The following AMMECR1 variants were observed in gnomAD, a reference collection of about 807,000 sequenced individuals.
AMMECR1 encodes nuclear protein AMMECR1.
A neutral mutation model predicts 22.5 loss-of-function variants in AMMECR1; 3 were observed. The observed-to-expected ratio is 0.13, with a 90% CI of 0.06 to 0.35. AMMECR1 has a LOEUF of 0.35. Ranked by LOEUF, AMMECR1 falls within the 10% of genes least tolerant of loss-of-function variation. The pLI, the probability that AMMECR1 is intolerant of heterozygous loss-of-function variation, is 1.00. For missense variants in AMMECR1, 235 were observed against 278.7 expected (o/e 0.84, Z 1.12); for synonymous variants, 130 against 116.7 (o/e 1.11, Z -0.74).
At chrX:110,261,221 A>C (rs1271402943) in intron 2 of AMMECR1, among the ~76,000 whole-genome samples, 2 of 112,080 alleles carry the variant, frequency 1.8e-5, no homozygotes, top group East Asian at 5.5e-4. Context: ...CCACAATAAA[A>C]AAAAAGAAGA....
intron 2 of AMMECR1, among the ~76,000 whole-genome samples, chrX:110,234,465 C>T (rs372046304): frequency 9.9e-5 from 11 of 111,645 alleles, no homozygotes; most frequent in Middle Eastern, 4.6e-3. Context: ...CTTCACAGAA[C>T]TGGAAAAAAA....
At chrX:110,370,908 C>T (rs889963502) in intron 2 of AMMECR1, among the ~76,000 whole-genome samples, 1 of 112,179 alleles carries the variant, frequency 8.9e-6, no homozygotes, top group Non-Finnish European at 1.9e-5. Context: ...ACTCTTTTCA[C>T]ATCTTCTGCA....
Position 110,348,905 on chromosome X carries a change from T to C in AMMECR1, c.-147-31056A>G, listed in dbSNP as rs1432838210. On this transcript the variant is annotated intron_variant, in intron 2 of 7. Transcript: ENST00000372057. ...AAACAGGTTTTTACTTTTCACTTTTTGTAAAATTTGAATTTTTCACAAGTA... is the reference window on the plus strand; with the variant it reads ...AAACAGGTTTTTACTTTTCACTTTTCGTAAAATTTGAATTTTTCACAAGTA... Among the ~76,000 whole-genome samples, 16 of 112,170 alleles carry C rather than the reference T, an allele frequency of 1.4e-4. No homozygotes were observed. In the Admixed American group the frequency reaches 1.5e-3, roughly 11 times the overall value.
chrX:110,202,347 C>A, intron 4 of AMMECR1, 99 bp downstream of exon 4: 1 of 617,066 alleles, frequency 1.6e-6, no homozygotes. Context: ...TTTGACACTT[C>A]AATTATTAGA....
At chrX:110,288,484 G>A (rs775994051) in intron 1 of AMMECR1, among the ~76,000 whole-genome samples, 8 of 111,995 alleles carry the variant, frequency 7.1e-5, no homozygotes, top group African/African-American at 1.6e-4. Flanking sequence ...CAGATTGTGC[G>A]CTCTCAGAAA....
Position 110,342,521 on chromosome X carries a change from G to A in AMMECR1, c.-147-24672C>T, listed in dbSNP as rs184877432. On this transcript the variant is annotated intron_variant, in intron 2 of 7. Coordinates refer to the AMMECR1 transcript ENST00000372057. ...TGAGTAGCTGGGATTACAGGCACAC[G>A]CCACCACGCCTGGCTAATTTTTGTA... is the stretch of plus-strand genomic sequence containing the variant. Among the ~76,000 whole-genome samples the A allele has an allele frequency of 8.1e-5, 9 of 110,894 alleles. No individual in the cohort carries two copies. In the East Asian group the frequency reaches 2.3e-3, roughly 28 times the overall value.
chrX:110,335,773 C>T, intron 2 of AMMECR1, among the ~76,000 whole-genome samples: 1 of 112,058 alleles, frequency 8.9e-6, no homozygotes, highest in Non-Finnish European at 1.9e-5. Context: ...TCATCATGTA[C>T]ATTCATTTGG....
At chrX:110,217,085 C>A (rs922560209) in intron 2 of AMMECR1, among the ~76,000 whole-genome samples, 26 of 107,249 alleles carry the variant, frequency 2.4e-4, no homozygotes, top group African/African-American at 8.5e-4. Context: ...TGTATACAAA[C>A]ATACACATAT....
chrX:110,246,707 G>A (rs1262088053), intron 2 of AMMECR1, among the ~76,000 whole-genome samples: 5 of 112,425 alleles, frequency 4.4e-5, no homozygotes, highest in Admixed American at 3.8e-4. Context: ...AGAGATACCA[G>A]TAATGTGTTA....
chrX:110,325,149 T>G (rs1248228544), intron 2 of AMMECR1, among the ~76,000 whole-genome samples: 1 of 111,822 alleles, frequency 8.9e-6, no homozygotes. Flanking sequence ...GTTTTAAAAT[T>G]CATTTATTTT....
chrX:110,373,634 T>C (rs1393711330), intron 2 of AMMECR1, among the ~76,000 whole-genome samples: 1 of 112,506 alleles, frequency 8.9e-6, no homozygotes, highest in African/African-American at 3.2e-5. Context: ...CTACAGATAA[T>C]ACAGTAATCT....
chrX:110,306,027 A>T (rs950123761), intron 1 of AMMECR1, among the ~76,000 whole-genome samples: 4 of 110,195 alleles, frequency 3.6e-5, no homozygotes, highest in African/African-American at 1.3e-4. Flanking sequence ...CACGCCTGTA[A>T]TCCCAGCACT....
At chrX:110,275,087 CTT>C (rs1024203730) in intron 1 of AMMECR1, among the ~76,000 whole-genome samples, 3 of 111,277 alleles carry the variant, frequency 2.7e-5, no homozygotes, top group African/African-American at 3.3e-5. Flanking sequence ...TAAATAATAA[CTT>C]AACTTTTAAA....
In AMMECR1 at chrX:110,264,442, T is replaced by G. The variant is rs759049107; in HGVS notation, c.584+47A>C. ...AAGTATCAGATTCAAGTTTCATAAG[T>G]TTTTTTTTTTAATGTAAAAGCAGAG... is the stretch of plus-strand genomic sequence containing the variant. On this transcript the variant is annotated intron_variant, in intron 2 of 5. Coordinates refer to ENST00000262844, the MANE Select transcript of AMMECR1 (RefSeq NM_015365.3). 6.9e-5 allele frequency: 34 copies of G among 492,358 alleles called. No homozygotes were observed. The African/African-American group carries it at 8.0e-4, about 12-fold the overall frequency. 40.6% of individuals were successfully genotyped at this position (492,358 alleles called of 1,213,427 possible). A position where few individuals can be genotyped will look rare whatever the true frequency, so the allele number is the denominator to read the frequency against.
At position 110,317,744 on chromosome X, in the gene AMMECR1, AG is replaced by A. The variant is rs2068057236; in HGVS notation, c.327del (p.Ser110HisfsTer53). On this transcript the variant is annotated frameshift_variant, in exon 1 of 6. Coordinates refer to ENST00000262844, the MANE Select transcript of AMMECR1 (RefSeq NM_015365.3). LOFTEE classifies it high-confidence loss of function. ...TPAAATSSSP[S>X]SSSAASSSSP... ...GATGAGGACGAGGCGGCGGACGATGAGGAGGGTGAGGAAGAGGTGGCGGCGG... is the reference window on the plus strand; with the variant it reads ...GATGAGGACGAGGCGGCGGACGATGAGAGGGTGAGGAAGAGGTGGCGGCGG... The A allele has an allele frequency of 8.4e-7, 1 of 1,189,996 alleles. No homozygotes were observed. The highest frequency in any genetic ancestry group is 1.8e-5 in the African/African-American group (1 of 56,770).
chrX:110,331,537 T>G (rs2068120855), intron 2 of AMMECR1, among the ~76,000 whole-genome samples: 1 of 111,126 alleles, frequency 9.0e-6, no homozygotes, highest in Non-Finnish European at 1.9e-5. Context: ...CCATCAATAT[T>G]ACCTTAAATC....
At chrX:110,307,853 CTTT>C (rs1158202877) in intron 1 of AMMECR1, among the ~76,000 whole-genome samples, 74 of 90,985 alleles carry the variant, frequency 8.1e-4, no homozygotes, top group African/African-American at 2.8e-3. Context: ...CTGCTAGAAA[CTTT>C]TTTTTTTCTT....
intron 2 of AMMECR1, among the ~76,000 whole-genome samples, chrX:110,245,532 T>C (rs773193993): frequency 9.0e-6 from 1 of 110,566 alleles, no homozygotes; most frequent in Non-Finnish European, 1.9e-5. Context: ...GGAGCAAATA[T>C]TCCCACAGTT....
intron 1 of AMMECR1, among the ~76,000 whole-genome samples, chrX:110,292,429 T>G: frequency 8.9e-6 from 1 of 112,540 alleles, no homozygotes; most frequent in East Asian, 2.8e-4. Context: ...ATAACAACTT[T>G]ACTTGTGATT....
Sources: gnomAD v4.1 joint callset for allele counts (sites outside exome capture counted in the v4.1 genomes callset) on GRCh38, gnomAD v4.1.1 for gene constraint, MANE v1.5 for transcripts, NCBI Gene and HGNC (gene_info 2026-07-23, HGNC 2026-07-21) for gene names.